STAT5A: variants seen among roughly 807,000 people sequenced by gnomAD.
STAT5A encodes signal transducer and activator of transcription 5A.
STAT5A carries 26 observed loss-of-function variants against 100.2 expected under a neutral mutation model. The observed-to-expected ratio is 0.26, with a 90% confidence interval of 0.19 to 0.36. STAT5A has a LOEUF of 0.36. Among genes scored for constraint, STAT5A ranks in the 10% least tolerant of loss-of-function variants. The pLI, the probability that STAT5A is intolerant of heterozygous loss-of-function variation, is 1.00. For synonymous variants in STAT5A, 330 were observed against 424.3 expected (o/e 0.78, Z 2.73); for missense variants, 634 against 1,027.5 (o/e 0.62, Z 5.24).
chr17:42,289,466 C>T lies in STAT5A; in HGVS notation c.55C>T (p.Gln19Ter), dbSNP rs2080847996. ...QLQGDALRQM[Q>*]VLYGQHFPIE... is the part of the protein sequence containing the mutation. ...GCAGGGAGACGCGCTGCGCCAGATG[C>T]AGGTGCTGTACGGCCAGCACTTCCC... The change falls in exon 2 of 19, where the codon CAG becomes TAG. Residue 19 changes from glutamine (Q) to a stop codon, truncating the protein, a stop_gained. Transcript: ENST00000590949. LOFTEE classifies it high-confidence loss of function. 1 of 1,613,104 alleles carries T rather than the reference C, an allele frequency of 6.2e-7. No homozygotes were observed. The highest frequency in any genetic ancestry group is 1.1e-5 in the South Asian group (1 of 91,076).
intron 2 of STAT5A, 59 bp from the exon 3 acceptor site, chr17:42,289,807 C>T: frequency 6.9e-7 from 1 of 1,455,938 alleles, no homozygotes. Flanking sequence ...TTCCAGCTCC[C>T]TGACCTCCTT....
intron 13 of STAT5A, 81 bp from the exon 14 acceptor site, chr17:42,307,321 G>T (rs2081038233): frequency 1.4e-6 from 2 of 1,389,578 alleles, no homozygotes; most frequent in South Asian, 2.4e-5. Context: ...AAGACTGGGT[G>T]GGGGCAGGAG....
At chr17:42,296,131 G>A (rs1370885431) in intron 5 of STAT5A, among the ~76,000 whole-genome samples, 5 of 152,146 alleles carry the variant, frequency 3.3e-5, no homozygotes, top group Non-Finnish European at 7.4e-5. Context: ...TAAAACTCCT[G>A]TACTTTATTA....
chr17:42,298,964 T>G (rs1310920740), intron 5 of STAT5A, among the ~76,000 whole-genome samples: 2 of 151,780 alleles, frequency 1.3e-5, no homozygotes, highest in Non-Finnish European at 2.9e-5. Flanking sequence ...CTCTGCGGTC[T>G]GTCTATCTGT....
At chr17:42,307,765 T>A in intron 15 of STAT5A, 42 bp downstream of exon 15, 1 of 1,599,720 alleles carries the variant, frequency 6.3e-7, no homozygotes, top group South Asian at 1.1e-5. Context: ...CAAGGCCCGG[T>A]CTCTTGTTCC....
intron 4 of STAT5A, among the ~76,000 whole-genome samples, chr17:42,294,783 A>G (rs957913190): frequency 3.9e-5 from 6 of 152,184 alleles, no homozygotes; most frequent in Non-Finnish European, 7.4e-5. Flanking sequence ...AGCAGACACC[A>G]TGGGAAGGGG....
chr17:42,309,148 C>T, intron 17 of STAT5A, 50 bp downstream of exon 17: 2 of 1,612,510 alleles, frequency 1.2e-6, no homozygotes, highest in Non-Finnish European at 1.7e-6. Context: ...TCCTCCTCCC[C>T]CAGACCCTGC....
Position 42,295,729 on chromosome 17 carries a change from G to A in STAT5A, c.486G>A (p.Leu162=). 1 of 1,613,914 alleles carries A rather than the reference G, an allele frequency of 6.2e-7. No individual in the cohort carries two copies. Reference sequence around the variant, plus strand: ...TCACGCAGGACACAGAGAATGAGCTGAAGAAACTGCAGCAGACTCAGGAGT... The same window carrying A: ...TCACGCAGGACACAGAGAATGAGCTAAAGAAACTGCAGCAGACTCAGGAGT... The part of the protein sequence containing the change: ...RLVTQDTENE[L]KKLQQTQEYF... Residue 162 remains leucine (L), a synonymous_variant, in exon 5 of 19, where the codon CTG becomes CTA. Coordinates refer to ENST00000590949, the MANE Select transcript of STAT5A (RefSeq NM_001288718.2).
In STAT5A at chr17:42,309,452, C is replaced by T. The variant is rs760490496; in HGVS notation, c.2190C>T (p.Cys730=). The T allele has an allele frequency of 2.3e-5, 37 of 1,613,740 alleles. No individual in the cohort carries two copies. Among genetic ancestry groups the T allele is most frequent in the African/African-American group, 4.0e-5 (3 of 74,926 alleles). ...YMDQAPSPAV[C]PQAPYNMYPQ... ...ACCAGGCCCCCTCCCCAGCTGTGTGCCCCCAGGCTCCCTATAACATGTACC... is the reference window on the plus strand; with the variant it reads ...ACCAGGCCCCCTCCCCAGCTGTGTGTCCCCAGGCTCCCTATAACATGTACC... The change falls in exon 18 of 19, where the codon TGC becomes TGT. Residue 730 remains cysteine (C), a synonymous_variant. Coordinates refer to ENST00000590949, the MANE Select transcript of STAT5A (RefSeq NM_001288718.2).
chr17:42,309,998 C>T (rs1209193180), intron 18 of STAT5A, among the ~76,000 whole-genome samples: 1 of 152,224 alleles, frequency 6.6e-6, no homozygotes, highest in African/African-American at 2.4e-5. Context: ...GACTCCACCA[C>T]CTCCCAGCCA....
Position 42,307,425 on chromosome 17 carries a change from C to T in STAT5A, c.1704C>T (p.Tyr568=), listed in dbSNP as rs2081039491. The T allele has an allele frequency of 6.2e-7, 1 of 1,614,076 alleles. No homozygotes were observed. The highest frequency in any genetic ancestry group is 8.5e-7 in the Non-Finnish European group (1 of 1,179,992). The part of the protein sequence containing the change: ...FNRENLPGWN[Y]TFWQWFDGVM... Reference sequence around the variant, plus strand: ...AGGAGAACTTGCCGGGCTGGAACTACACCTTCTGGCAGTGGTTTGACGGGG... The same window carrying T: ...AGGAGAACTTGCCGGGCTGGAACTATACCTTCTGGCAGTGGTTTGACGGGG... The change falls in exon 14 of 19, where the codon TAC becomes TAT. Residue 568 remains tyrosine, a synonymous_variant. Coordinates refer to ENST00000590949, the MANE Select transcript of STAT5A (RefSeq NM_001288718.2).
chr17:42,290,023 G>A lies in STAT5A; in HGVS notation c.285+1G>A, dbSNP rs112089866. 2 of 1,611,510 alleles carry A rather than the reference G, an allele frequency of 1.2e-6. No individual in the cohort carries two copies. ...GGGGCACTACGCCACGCAGCTCCAG[G>A]TGGGTGTAGGCTCTGGGCCACCTAC... On this transcript the variant is annotated splice_donor_variant, in intron 3 of 18. Transcript: ENST00000590949. LOFTEE classifies it high-confidence loss of function.
intron 4 of STAT5A, among the ~76,000 whole-genome samples, chr17:42,294,371 T>C (rs917550695): frequency 6.6e-6 from 1 of 152,174 alleles, no homozygotes; most frequent in Non-Finnish European, 1.5e-5. Context: ...GGTGCTGTCA[T>C]GGTCTGGGAG....
Position 42,306,363 on chromosome 17 carries a change from C to T in STAT5A, c.1596C>T (p.Phe532=). 1 of 1,614,158 alleles carries T rather than the reference C, an allele frequency of 6.2e-7. No homozygotes were observed. The highest frequency in any genetic ancestry group is 1.1e-5 in the South Asian group (1 of 91,076). Residue 532 remains phenylalanine, a synonymous_variant, in exon 13 of 19, where the codon TTC becomes TTT. Transcript: ENST00000590949. The stretch of plus-strand genomic sequence containing the variant: ...GCCTGACCAAGGAGAACCTCGTGTT[C>T]CTGGCGCAGAAACTGTTCAACAACA... ...NRGLTKENLV[F]LAQKLFNNSS... is the part of the protein sequence containing the mutation.
intron 5 of STAT5A, 86 bp from the exon 6 acceptor site, chr17:42,299,665 C>G: frequency 1.3e-6 from 2 of 1,599,232 alleles, no homozygotes; most frequent in South Asian, 1.1e-5. Flanking sequence ...GGGAGGGTCT[C>G]GCTCCAGAAC....
intron 5 of STAT5A, among the ~76,000 whole-genome samples, chr17:42,296,501 T>G (rs2080919149): frequency 6.6e-6 from 1 of 152,232 alleles, no homozygotes; most frequent in South Asian, 2.1e-4. Context: ...CATTCCAGAC[T>G]GACCCCAGAA....
In STAT5A at chr17:42,289,518, A is replaced by C. The variant is rs201372597; in HGVS notation, c.107A>C (p.Gln36Pro). ...ATCGAGGTCCGGCACTACTTGGCCC[A>C]GTGGATTGAGAGCCAGCCATGGTAG... The part of the protein sequence containing the change: ...FPIEVRHYLA[Q>P]WIESQPWDAI... The change falls in exon 2 of 19, where the codon CAG becomes CCG. Residue 36 changes from glutamine to proline, a missense_variant. Transcript: ENST00000590949. 3.7e-6 allele frequency: 6 copies of C among 1,613,030 alleles called. No homozygotes were observed. The East Asian group carries it at 1.3e-4, about 36-fold the overall frequency.
chr17:42,303,722 GAAAA>G (rs956887588), intron 9 of STAT5A, among the ~76,000 whole-genome samples: 1 of 151,754 alleles, frequency 6.6e-6, no homozygotes, highest in Admixed American at 6.6e-5. Context: ...AAAAAAAAAA[GAAAA>G]AAGAGCAATC....
In STAT5A at chr17:42,304,075, C is replaced by G; in HGVS notation, c.1170-267C>G. On this transcript the variant is annotated intron_variant, in intron 9 of 18. Transcript: ENST00000590949. This position sits in a 1 kb window ranked among gnomAD's most constrained non-coding sequence, Gnocchi z 4.8. Reference sequence around the variant, plus strand: ...AGTGCATTAGAAGCTATTGGAAGTCCCCAAAGCCCTCACATCAATCTTGGT... The same window carrying G: ...AGTGCATTAGAAGCTATTGGAAGTCGCCAAAGCCCTCACATCAATCTTGGT... 1 of 490,924 alleles carries G rather than the reference C, an allele frequency of 2.0e-6. No homozygotes were observed. Among genetic ancestry groups the G allele is most frequent in the Non-Finnish European group, 3.7e-6 (1 of 270,932 alleles). 30.4% of individuals were successfully genotyped at this position (490,924 alleles called of 1,614,324 possible). A position where few individuals can be genotyped will look rare whatever the true frequency, so the allele number is the denominator to read the frequency against.
Sources: gnomAD v4.1 joint callset for allele counts (sites outside exome capture counted in the v4.1 genomes callset) on GRCh38, gnomAD v4.1.1 for gene constraint, Gnocchi (gnomAD v3.1) non-coding constraint, MANE v1.5 for transcripts, NCBI Gene and HGNC (gene_info 2026-07-23, HGNC 2026-07-21) for gene names.